DDX60L: variants seen among roughly 807,000 people sequenced by gnomAD.
The protein encoded by DDX60L is DExD/H-box 60 like, also known as probable ATP-dependent RNA helicase DDX60-like.
A neutral mutation model predicts 211.6 loss-of-function variants in DDX60L; 191 were observed. That is an observed-to-expected ratio of 0.90 (90% CI 0.80 to 1.02). The LOEUF is 1.02. Among genes scored for constraint, DDX60L ranks in the 50% least tolerant of loss-of-function variants. The pLI is 0.00. For missense variants in DDX60L, 2,007 were observed against 1,984.1 expected (o/e 1.01, Z -0.22); for synonymous variants, 706 against 694.1 (o/e 1.02, Z -0.27).
intron 12 of DDX60L, among the ~76,000 whole-genome samples, 197 bp downstream of exon 12, chr4:168,432,258 A>G (rs1050829244): frequency 6.7e-4 from 91 of 135,846 alleles, no homozygotes; most frequent in African/African-American, 1.7e-3. Flanking sequence ...GTGTGTGTGT[A>G]TATATATATA....
chr4:168,421,441 C>T (rs1438622341), intron 17 of DDX60L, among the ~76,000 whole-genome samples: 4 of 152,090 alleles, frequency 2.6e-5, no homozygotes, highest in South Asian at 4.2e-4. Context: ...GGGTGGATCA[C>T]CTGAGGTGAT....
chr4:168,443,473 A>G (rs1447434609), intron 9 of DDX60L, among the ~76,000 whole-genome samples: 5 of 151,896 alleles, frequency 3.3e-5, no homozygotes, highest in African/African-American at 1.2e-4. Context: ...ATCCAGGAGA[A>G]CTTCTCCAAT....
intron 29 of DDX60L, 31 bp from the exon 30 acceptor site, chr4:168,384,843 C>T (rs1245719431): frequency 6.3e-7 from 1 of 1,585,994 alleles, no homozygotes; most frequent in Non-Finnish European, 8.6e-7. Context: ...CAATGTAAAA[C>T]CTCCACAGAT....
intron 22 of DDX60L, among the ~76,000 whole-genome samples, chr4:168,414,394 C>T (rs1196733435): frequency 6.6e-6 from 1 of 152,028 alleles, no homozygotes; most frequent in Non-Finnish European, 1.5e-5. Context: ...TCACAAATTA[C>T]AGCCACAGCA....
At position 168,433,030 on chromosome 4, in the gene DDX60L, C is replaced by T. The variant is rs377761570; in HGVS notation, c.1380G>A (p.Lys460=). The T allele has an allele frequency of 2.7e-5, 44 of 1,607,514 alleles. No homozygotes were observed. The highest frequency in any genetic ancestry group is 3.1e-5 in the Non-Finnish European group (37 of 1,176,538). Residue 460 remains lysine, a synonymous_variant, in exon 11 of 38, where the codon AAG becomes AAA. Transcript: ENST00000682922. The part of the protein sequence containing the change: ...VIDEFVGDMM[K]DLPILKSDDP... The stretch of plus-strand genomic sequence containing the variant: ...TGTACCTCTTTAGAATAGGCAAATC[C>T]TTCATCATATCTCCAACAAACTCAT...
intron 36 of DDX60L, among the ~76,000 whole-genome samples, chr4:168,370,837 G>A (rs1410897286): frequency 6.6e-6 from 1 of 152,044 alleles, no homozygotes; most frequent in Non-Finnish European, 1.5e-5. Context: ...TTAAAAGCAT[G>A]ACTTTCCCCA....
chr4:168,448,038 A>C (rs1001046685), intron 9 of DDX60L, among the ~76,000 whole-genome samples: 2 of 151,956 alleles, frequency 1.3e-5, no homozygotes, highest in South Asian at 4.1e-4. Flanking sequence ...TAAAAAAAAA[A>C]GGAGTTTACA....
At chr4:168,390,637 CAGT>C (rs1489552021) in intron 29 of DDX60L, 2 of 515,020 alleles carry the variant, frequency 3.9e-6, no homozygotes, top group Non-Finnish European at 5.7e-6. Context: ...AGATTATTGT[CAGT>C]TTTTTTTTTA....
rs140432132 is a variant in DDX60L at position 168,433,740 on chromosome 4, T to G, written c.1295-625A>C. Among the ~76,000 whole-genome samples, 40 of 152,316 alleles carry G rather than the reference T, an allele frequency of 2.6e-4. 1 individual carries two copies. The highest frequency in any genetic ancestry group is 9.4e-4 in the African/African-American group (39 of 41,582). ...TATCCTTTTGCCAATGTATCCACAATTCCCATCTGCATTCCTCTTGCATCT... is the reference window on the plus strand; with the variant it reads ...TATCCTTTTGCCAATGTATCCACAAGTCCCATCTGCATTCCTCTTGCATCT... On this transcript the variant is annotated intron_variant, in intron 10 of 37. Transcript: ENST00000682922.
chr4:168,430,858 G>A (rs1561058656), intron 12 of DDX60L, among the ~76,000 whole-genome samples: 1 of 152,006 alleles, frequency 6.6e-6, no homozygotes, highest in African/African-American at 2.4e-5. Flanking sequence ...CATTGCCCCT[G>A]TCATTTGGCA....
At chr4:168,371,842 G>T in intron 35 of DDX60L, 79 bp from the exon 36 acceptor site, 3 of 1,327,922 alleles carry the variant, frequency 2.3e-6, no homozygotes, top group South Asian at 3.2e-5. Flanking sequence ...TCCTTTGTAT[G>T]AATCTGTTTC....
intron 22 of DDX60L, among the ~76,000 whole-genome samples, chr4:168,409,093 A>G (rs1748238594): frequency 6.6e-6 from 1 of 152,242 alleles, no homozygotes; most frequent in South Asian, 2.1e-4. Flanking sequence ...GAAAGGTCTT[A>G]TATAAATGCA....
At chr4:168,444,846 A>G (rs1162211970) in intron 9 of DDX60L, among the ~76,000 whole-genome samples, 71 of 110,638 alleles carry the variant, frequency 6.4e-4, no homozygotes, top group Admixed American at 2.1e-3. Flanking sequence ...CAAAGACACA[A>G]CATACCAGAA....
intron 26 of DDX60L, among the ~76,000 whole-genome samples, chr4:168,400,073 A>G (rs1579387164): frequency 2.6e-5 from 4 of 152,088 alleles, no homozygotes; most frequent in African/African-American, 9.6e-5. Context: ...GTGTCCATGT[A>G]TTCTCATAAT....
chr4:168,390,406 G>A, intron 29 of DDX60L: 1 of 1,277,678 alleles, frequency 7.8e-7, no homozygotes. Context: ...CTATACTTGA[G>A]AAAAGGAAAA....
chr4:168,370,152 A>G (rs1740755369), intron 36 of DDX60L, among the ~76,000 whole-genome samples: 1 of 152,186 alleles, frequency 6.6e-6, no homozygotes, highest in South Asian at 2.1e-4. Flanking sequence ...TACAATAGCT[A>G]TGATATGGAA....
intron 12 of DDX60L, among the ~76,000 whole-genome samples, chr4:168,432,241 A>T (rs1018055775): frequency 3.6e-5 from 5 of 138,780 alleles, no homozygotes; most frequent in Non-Finnish European, 8.1e-5. Context: ...ATATATATAT[A>T]TTGTGTGTGT....
Position 168,396,046 on chromosome 4 carries a change from C to A in DDX60L, c.3570G>T (p.Glu1190Asp), listed in dbSNP as rs1200984574. The change falls in exon 27 of 38, where the codon GAG (glutamate) becomes GAT (aspartate). Residue 1190 changes from glutamate (E) to aspartate (D), a missense_variant. Physicochemically the swap from Glu to Asp is conservative, Grantham distance 45. Coordinates refer to ENST00000682922, the MANE Select transcript of DDX60L (RefSeq NM_001012967.3). Reference sequence around the variant, plus strand: ...CAGAAATTTCCAGAATCTTCAGATTCTCCAGGAAATTAATATATTCAGCTC... The same window carrying A: ...CAGAAATTTCCAGAATCTTCAGATTATCCAGGAAATTAATATATTCAGCTC... ...VYRAEYINFL[E>D]NLKILEISED... is the part of the protein sequence containing the mutation. The A allele has an allele frequency of 6.2e-7, 1 of 1,607,308 alleles. No homozygotes were observed. The highest frequency in any genetic ancestry group is 8.5e-7 in the Non-Finnish European group (1 of 1,175,114).
intron 6 of DDX60L, among the ~76,000 whole-genome samples, chr4:168,457,644 A>G (rs960428733): frequency 6.6e-6 from 1 of 152,182 alleles, no homozygotes; most frequent in African/African-American, 2.4e-5. Flanking sequence ...ATTAAGTACT[A>G]CAATTTTCTA....
Sources: gnomAD v4.1 joint callset for allele counts (sites outside exome capture counted in the v4.1 genomes callset) on GRCh38, gnomAD v4.1.1 for gene constraint, MANE v1.5 for transcripts, NCBI Gene and HGNC (gene_info 2026-07-23, HGNC 2026-07-21) for gene names.